The following RHCE variants were observed in gnomAD, a reference collection of about 807,000 sequenced individuals.
The protein encoded by RHCE is Rh blood group CcEe antigens.
RHCE carries 22 observed loss-of-function variants against 43.8 expected under a neutral mutation model. The observed-to-expected ratio is 0.50, with a 90% confidence interval of 0.36 to 0.72. The LOEUF is 0.72. Ranked by LOEUF, RHCE falls within the 30% of genes least tolerant of loss-of-function variation. RHCE has a pLI of 0.00. For missense variants in RHCE, 385 were observed against 525.4 expected (o/e 0.73, Z 2.61); for synonymous variants, 156 against 210.7 (o/e 0.74, Z 2.25).
At chr1:25,386,783 C>G (rs1244152205) in intron 6 of RHCE, among the ~76,000 whole-genome samples, 2 of 152,020 alleles carry the variant, frequency 1.3e-5, no homozygotes, top group Non-Finnish European at 2.9e-5. Flanking sequence ...GATGGCGCCA[C>G]TGCACTCCAG....
intron 7 of RHCE, among the ~76,000 whole-genome samples, chr1:25,378,261 A>G (rs1219329306): frequency 6.6e-6 from 1 of 152,244 alleles, no homozygotes; most frequent in Non-Finnish European, 1.5e-5. Context: ...AGCAGTAGCC[A>G]CTAAGGCTGA....
chr1:25,381,898 T>C (rs1480908321), intron 7 of RHCE, among the ~76,000 whole-genome samples: 1 of 151,424 alleles, frequency 6.6e-6, no homozygotes, highest in Non-Finnish European at 1.5e-5. Context: ...CTTGCATTAA[T>C]TTTCTTTCTT....
At chr1:25,385,318 G>A (rs1157979999) in intron 7 of RHCE, among the ~76,000 whole-genome samples, 1 of 152,224 alleles carries the variant, frequency 6.6e-6, no homozygotes, top group Non-Finnish European at 1.5e-5. Flanking sequence ...ACAAGGGGGC[G>A]ACTGAGGCTG....
intron 7 of RHCE, among the ~76,000 whole-genome samples, chr1:25,381,465 T>C (rs1188742272): frequency 3.3e-5 from 5 of 151,380 alleles, no homozygotes; most frequent in Non-Finnish European, 5.9e-5. Context: ...TTCTTTTTTT[T>C]TTTTTTTTGA....
chr1:25,424,747 G>C (rs1380846818), upstream of RHCE, among the ~76,000 whole-genome samples: 1 of 152,002 alleles, frequency 6.6e-6, no homozygotes, highest in Non-Finnish European at 1.5e-5. Context: ...CTTGACAAGG[G>C]TTCCTTGTGT....
At chr1:25,382,683 A>G (rs28651721) in intron 7 of RHCE, among the ~76,000 whole-genome samples, 8,043 of 152,106 alleles carry the variant, frequency 0.053, 665 homozygotes, top group African/African-American at 0.18. Flanking sequence ...TATTTCACAG[A>G]GGACAAGTTC....
intron 3 of RHCE, among the ~76,000 whole-genome samples, chr1:25,396,581 G>A (rs1486612727): frequency 1.3e-5 from 2 of 152,204 alleles, no homozygotes; most frequent in East Asian, 1.9e-4. Context: ...GGTGGAAGGT[G>A]AAAGGGAAGC....
At chr1:25,385,396 C>T (rs1248001329) in intron 7 of RHCE, 14 of 420,900 alleles carry the variant, frequency 3.3e-5, no homozygotes, top group South Asian at 6.0e-5. Flanking sequence ...CTCTGCATCA[C>T]GACCTGAACC....
chr1:25,408,644 C>T lies in RHCE; in HGVS notation c.335+39G>A, dbSNP rs1571907059. On this transcript the variant is annotated intron_variant, in intron 2 of 9. Transcript: ENST00000294413. ...AACCTGTCCTTTCGGGGTCCATTCC[C>T]TCTATGACCCAGAAGTGATCCAGCC... 1.6e-6 allele frequency: 2 copies of T among 1,231,550 alleles called. 1 individual carries two copies. 76.3% of individuals were successfully genotyped at this position (1,231,550 alleles called of 1,614,324 possible).
intron 2 of RHCE, among the ~76,000 whole-genome samples, chr1:25,427,381 TC>T (rs775667348): frequency 1.3e-5 from 2 of 152,222 alleles, no homozygotes; most frequent in African/African-American, 4.8e-5. Context: ...GCAAATTACT[TC>T]CCTTCCTTGT....
chr1:25,426,072 G>A (rs2042803233), intron 2 of RHCE, among the ~76,000 whole-genome samples: 1 of 152,202 alleles, frequency 6.6e-6, no homozygotes. Flanking sequence ...CAATCTCACT[G>A]GGTTGTTGTG....
intron 1 of RHCE, among the ~76,000 whole-genome samples, chr1:25,411,116 TA>T (rs1331558187): frequency 1.3e-5 from 2 of 149,838 alleles, no homozygotes; most frequent in African/African-American, 5.1e-5. Context: ...AATAAATAAA[TA>T]AAATAAAATA....
intron 2 of RHCE, among the ~76,000 whole-genome samples, chr1:25,427,056 C>CAA (rs57239579): frequency 2.2e-5 from 3 of 135,982 alleles, no homozygotes; most frequent in Admixed American, 7.4e-5. Context: ...GACTCCATCT[C>CAA]AAAAAAAAAA....
rs1407505051 is a variant in RHCE, at chr1:25,405,951, G to A, written c.335+2732C>T. On this transcript the variant is annotated intron_variant, in intron 2 of 9. Coordinates refer to ENST00000294413, the MANE Select transcript of RHCE (RefSeq NM_020485.8). ...GTCAGGAAGGAGCCAGTTTCAGCAGGGGTCACCCCTAGGGGGATCCAAGCA... is the reference window on the plus strand; with the variant it reads ...GTCAGGAAGGAGCCAGTTTCAGCAGAGGTCACCCCTAGGGGGATCCAAGCA... Among the ~76,000 whole-genome samples the A allele has an allele frequency of 8.2e-4, 101 of 122,906 alleles. 11 individuals are homozygous for A. The highest frequency in any genetic ancestry group is 2.4e-3 in the African/African-American group (97 of 39,790). 80.6% of individuals were successfully genotyped at this position (122,906 alleles called of 152,430 possible). A position where few individuals can be genotyped will look rare whatever the true frequency, so the allele number is the denominator to read the frequency against.
chr1:25,409,544 G>T (rs1260695535), intron 1 of RHCE, among the ~76,000 whole-genome samples: 2 of 124,466 alleles, frequency 1.6e-5, no homozygotes, highest in Non-Finnish European at 3.7e-5. Context: ...CCTGAGGGCA[G>T]GGAGGGGCCC....
chr1:25,402,209 T>C (rs2124475190), intron 3 of RHCE, among the ~76,000 whole-genome samples: 1 of 147,038 alleles, frequency 6.8e-6, no homozygotes, highest in East Asian at 2.1e-4. Flanking sequence ...TCTGTCTGTC[T>C]ATCTATCTAT....
intron 8 of RHCE, among the ~76,000 whole-genome samples, chr1:25,372,749 C>G (rs1645651346): frequency 6.6e-6 from 1 of 151,654 alleles, no homozygotes; most frequent in Non-Finnish European, 1.5e-5. Context: ...TCTGGGAGTC[C>G]ATTTGGTGCA....
chr1:25,379,704 T>C (rs573754249), intron 7 of RHCE, among the ~76,000 whole-genome samples: 3 of 151,390 alleles, frequency 2.0e-5, no homozygotes, highest in South Asian at 2.1e-4. Flanking sequence ...AGACAGAGTC[T>C]CACTCTGTTG....
intron 7 of RHCE, among the ~76,000 whole-genome samples, chr1:25,383,199 C>T (rs1002677628): frequency 2.6e-5 from 4 of 152,192 alleles, no homozygotes; most frequent in East Asian, 1.9e-4. Context: ...GCCTTCCCAT[C>T]ACTTAAAAAT....
Sources: allele counts gnomAD v4.1 joint callset (sites outside exome capture counted in the v4.1 genomes callset), GRCh38; gene constraint gnomAD v4.1.1; transcripts MANE v1.5; gene names NCBI Gene and HGNC (gene_info 2026-07-23, HGNC 2026-07-21).